The following CD96 variants were observed in gnomAD, a reference collection of about 807,000 sequenced individuals.
CD96 encodes the protein CD96 molecule, also known as T-cell surface protein tactile.
A neutral mutation model predicts 71.3 loss-of-function variants in CD96; 70 were observed. That is an observed-to-expected ratio of 0.98 (90% CI 0.81 to 1.20). The LOEUF (loss-of-function observed/expected upper bound fraction) is 1.20. Ranked by LOEUF, CD96 falls within the 50% of genes most tolerant of loss-of-function variation. The pLI is 0.00. For missense variants in CD96, 742 were observed against 677.5 expected (o/e 1.10, Z -1.06); for synonymous variants, 248 against 233.0 (o/e 1.06, Z -0.59).
chr3:111,573,122 C>A (rs955152786), intron 3 of CD96, among the ~76,000 whole-genome samples: 1 of 152,150 alleles, frequency 6.6e-6, no homozygotes, highest in Admixed American at 6.5e-5. Context: ...CAGTTGGAAG[C>A]TGAAAGATAA....
Position 111,574,348 on chromosome 3 carries a change from A to G in CD96, c.544-4679A>G, listed in dbSNP as rs138756164. 3.8e-3 allele frequency among the ~76,000 whole-genome samples: 576 copies of G among 152,340 alleles called. 1 individual carries two copies. Among genetic ancestry groups the G allele is most frequent in the African/African-American group, 0.013 (545 of 41,570 alleles). The stretch of plus-strand genomic sequence containing the variant: ...AAAGAAATGTTCAATGGATCATTTC[A>G]GATTTCAGATTTTCAGATTTAAGAT... On this transcript the variant is annotated intron_variant, in intron 3 of 13. Coordinates refer to ENST00000352690, the MANE Select transcript of CD96 (RefSeq NM_005816.5).
chr3:111,632,177 A>G (rs56172864), intron 10 of CD96, among the ~76,000 whole-genome samples: 12,784 of 152,218 alleles, frequency 0.084, 834 homozygotes, highest in East Asian at 0.26. Context: ...AACAGAGTAA[A>G]CAGACAACCT....
chr3:111,554,205 T>C (rs1934869573), intron 2 of CD96, among the ~76,000 whole-genome samples: 1 of 152,080 alleles, frequency 6.6e-6, no homozygotes, highest in Non-Finnish European at 1.5e-5. Context: ...TCTACTTTTT[T>C]TCCCTTCTGT....
Position 111,624,817 on chromosome 3 carries a change from C to G in CD96, c.1321+413C>G, listed in dbSNP as rs537261303. On this transcript the variant is annotated intron_variant, in intron 10 of 13. Coordinates refer to ENST00000352690, the MANE Select transcript of CD96 (RefSeq NM_005816.5). ...AGCAAACTAGCTAGAAAATGCGTAT[C>G]AGTAATAAAAATGAAAAGAGAGAGA... Among the ~76,000 whole-genome samples the G allele has an allele frequency of 2.0e-5, 3 of 152,238 alleles. No individual in the cohort carries two copies. The East Asian group carries it at 5.8e-4, about 29-fold the overall frequency.
chr3:111,600,224 C>T (rs992811982), intron 6 of CD96, among the ~76,000 whole-genome samples: 1 of 152,208 alleles, frequency 6.6e-6, no homozygotes, highest in Non-Finnish European at 1.5e-5. Flanking sequence ...GACACACTTC[C>T]TCGCTCAGAT....
At chr3:111,612,205 T>A (rs1475299972) in intron 8 of CD96, among the ~76,000 whole-genome samples, 1 of 152,130 alleles carries the variant, frequency 6.6e-6, no homozygotes, top group African/African-American at 2.4e-5. Flanking sequence ...CTAAATGATA[T>A]AGATTTAAAG....
At chr3:111,653,898 G>A (rs1428514466), downstream of CD96, among the ~76,000 whole-genome samples, 1 of 151,918 alleles carries the variant, frequency 6.6e-6, no homozygotes, top group Admixed American at 6.6e-5. Context: ...CTGGGGGATG[G>A]GAAGCTCTAA....
chr3:111,578,566 G>A (rs935920421), intron 3 of CD96, among the ~76,000 whole-genome samples: 1 of 152,150 alleles, frequency 6.6e-6, no homozygotes, highest in African/African-American at 2.4e-5. Flanking sequence ...CCAGGCTCGG[G>A]GAGGAGCTGA....
At chr3:111,556,293 C>T (rs962353107) in intron 2 of CD96, among the ~76,000 whole-genome samples, 5 of 143,468 alleles carry the variant, frequency 3.5e-5, no homozygotes, top group Non-Finnish European at 6.1e-5. Context: ...CGTGCTGGTG[C>T]GCCGCACCCA....
At chr3:111,624,687 T>G (rs1408250110) in intron 10 of CD96, among the ~76,000 whole-genome samples, 1 of 152,142 alleles carries the variant, frequency 6.6e-6, no homozygotes, top group Non-Finnish European at 1.5e-5. Context: ...AGGGTTGCCA[T>G]TTTAAATGGG....
At chr3:111,584,961 C>T (rs948765259) in intron 4 of CD96, among the ~76,000 whole-genome samples, 2 of 152,210 alleles carry the variant, frequency 1.3e-5, no homozygotes, top group African/African-American at 4.8e-5. Context: ...TTCCAAAAGC[C>T]TCCTCCTATC....
In CD96 at chr3:111,637,226, G is replaced by T; in HGVS notation, c.1352G>T (p.Ser451Ile). 4.4e-6 allele frequency: 7 copies of T among 1,593,292 alleles called. No individual in the cohort carries two copies. Among genetic ancestry groups the T allele is most frequent in the Non-Finnish European group, 5.2e-6 (6 of 1,161,026 alleles). Residue 451 changes from serine (S) to isoleucine (I), a missense_variant, in exon 11 of 14, where the codon AGT (serine) becomes ATT (isoleucine). Physicochemically the swap from Ser to Ile is moderately radical, Grantham distance 142. Transcript: ENST00000352690. ...TCACGGATACCTAGTGAAACATACA[G>T]TTCATCCCCGTCAGGTGCAGGCTCA... Reference protein sequence around the residue: ...SVSRIPSETYSSSPSGAGSTL... With the variant: ...SVSRIPSETYISSPSGAGSTL...
intron 2 of CD96, among the ~76,000 whole-genome samples, chr3:111,563,165 G>A (rs540322663): frequency 6.6e-6 from 1 of 152,314 alleles, no homozygotes; most frequent in South Asian, 2.1e-4. Context: ...CCTCCCAAAG[G>A]TTCCACCTTC....
intron 7 of CD96, among the ~76,000 whole-genome samples, chr3:111,602,594 G>A (rs1383766911): frequency 6.6e-6 from 1 of 152,124 alleles, no homozygotes; most frequent in Non-Finnish European, 1.5e-5. Flanking sequence ...ATGTAGTCAA[G>A]GCTCTATAAA....
intron 11 of CD96, 92 bp downstream of exon 11, chr3:111,637,353 C>T: frequency 1.3e-6 from 1 of 776,516 alleles, no homozygotes. Flanking sequence ...AAGAAGCCAG[C>T]CTCAGATAGA....
At chr3:111,576,173 A>G (rs1030553688) in intron 3 of CD96, among the ~76,000 whole-genome samples, 2 of 152,216 alleles carry the variant, frequency 1.3e-5, no homozygotes, top group Non-Finnish European at 2.9e-5. Context: ...GAATCCATAA[A>G]GTTTTAGAAA....
chr3:111,552,414 G>A (rs1431315318), intron 2 of CD96, among the ~76,000 whole-genome samples: 4 of 152,080 alleles, frequency 2.6e-5, no homozygotes, highest in Admixed American at 6.6e-5. Flanking sequence ...CAAACCTGCC[G>A]ATGTTTTGAT....
intron 12 of CD96, among the ~76,000 whole-genome samples, chr3:111,647,277 G>A (rs1387802840): frequency 1.3e-5 from 2 of 151,734 alleles, no homozygotes; most frequent in African/African-American, 2.4e-5. Flanking sequence ...TGTATAATAT[G>A]CCCCCAACTG....
At chr3:111,649,320 T>C (rs997475697) in intron 13 of CD96, among the ~76,000 whole-genome samples, 12 of 152,210 alleles carry the variant, frequency 7.9e-5, no homozygotes, top group Non-Finnish European at 1.6e-4. Context: ...GAGCCTCAGT[T>C]TTATCTGTAG....
Sources: allele counts gnomAD v4.1 joint callset (sites outside exome capture counted in the v4.1 genomes callset), GRCh38; gene constraint gnomAD v4.1.1; transcripts MANE v1.5; gene names NCBI Gene and HGNC (gene_info 2026-07-23, HGNC 2026-07-21).